The following ARL5C variants were observed in gnomAD, a reference collection of about 807,000 sequenced individuals.
ARL5C encodes the protein ARF like GTPase 5C.
ARL5C carries 21 observed loss-of-function variants against 20.8 expected under a neutral mutation model. That is an observed-to-expected ratio of 1.01 (90% CI 0.72 to 1.46). The LOEUF (loss-of-function observed/expected upper bound fraction) is 1.46, where lower values mean the gene tolerates loss of function less well. Ranked by LOEUF, ARL5C falls within the 40% of genes most tolerant of loss-of-function variation. The pLI is 0.00. For synonymous variants in ARL5C, 71 were observed against 81.6 expected (o/e 0.87, Z 0.70); for missense variants, 199 against 225.1 (o/e 0.88, Z 0.74).
At chr17:39,157,468 C>T (rs2045410938) in intron 5 of ARL5C, among the ~76,000 whole-genome samples, 2 of 152,146 alleles carry the variant, frequency 1.3e-5, no homozygotes, top group South Asian at 2.1e-4. Context: ...GGTCTGGCAC[C>T]GCACAGGGAA....
intron 5 of ARL5C, chr17:39,160,191 C>T (rs1038032562): frequency 4.4e-5 from 7 of 158,598 alleles, no homozygotes; most frequent in Non-Finnish European, 8.3e-5. Flanking sequence ...GGCGTGGTGG[C>T]GGGTACCTGT....
chr17:39,161,443 C>T (rs1204969892), intron 3 of ARL5C, 92 bp from the exon 4 acceptor site: 1 of 1,084,846 alleles, frequency 9.2e-7, no homozygotes, highest in Non-Finnish European at 1.4e-6. Context: ...CTCTGCACTG[C>T]CCAGATGTCA....
At chr17:39,158,646 A>C (rs1364028838) in intron 5 of ARL5C, among the ~76,000 whole-genome samples, 1 of 151,068 alleles carries the variant, frequency 6.6e-6, no homozygotes, top group East Asian at 1.9e-4. Context: ...CTGTGTGCCC[A>C]GCCTGCCATG....
rs759356522 is a variant in ARL5C, at chr17:39,162,698, GTGCCCTC to G, written c.255+6_255+12del. 6.4e-7 allele frequency: 1 copy of G among 1,550,752 alleles called. No individual in the cohort carries two copies. The highest frequency in any genetic ancestry group is 1.4e-5 in the African/African-American group (1 of 73,144). On this transcript the variant is annotated splice_donor_region_variant and intron_variant, in intron 3 of 5. Coordinates refer to ENST00000269586, the MANE Select transcript of ARL5C (RefSeq NM_001143968.1). Reference sequence around the variant, plus strand: ...CTGCCTTGGAGACCCTTCAGCCCTGGTGCCCTCCTCACCTCAGTGTTGGAGTAGTATG... The same window carrying G: ...CTGCCTTGGAGACCCTTCAGCCCTGGCTCACCTCAGTGTTGGAGTAGTATG...
intron 1 of ARL5C, chr17:39,165,384 G>A (rs2045457807): frequency 1.7e-6 from 1 of 591,324 alleles, no homozygotes. Flanking sequence ...GGGGCGCTTC[G>A]GGGCTTGCCA....
chr17:39,161,343 G>C lies in ARL5C; in HGVS notation c.264C>G (p.Ile88Met), dbSNP rs531950163. The C allele has an allele frequency of 6.4e-6, 10 of 1,551,908 alleles. No homozygotes were observed. In the East Asian group the frequency reaches 2.2e-4, roughly 34 times the overall value. Residue 88 changes from isoleucine to methionine, a missense_variant, in exon 4 of 6, where the codon ATC (isoleucine) becomes ATG (methionine). Ile to Met is a conservative substitution (Grantham distance 10, BLOSUM62 1). Transcript: ENST00000269586. Reference sequence around the variant, plus strand: ...CCCGGTCCGTGCTGTCAATCACAAGGATGATAAACTGGGCAGCAGAGGGGA... The same window carrying C: ...CCCGGTCCGTGCTGTCAATCACAAGCATGATAAACTGGGCAGCAGAGGGGA... Reference protein sequence around the residue: ...NTYYSNTEFIILVIDSTDRDR... With the variant: ...NTYYSNTEFIMLVIDSTDRDR...
rs139670622 is a variant in ARL5C at position 39,165,256 on chromosome 17, C to T, written c.47-117G>A. ...GCTCCCCGCAGGCTGGGGACCTCTGCCCACCGTACCGCGTCTGCTTCCCAC... is the reference window on the plus strand; with the variant it reads ...GCTCCCCGCAGGCTGGGGACCTCTGTCCACCGTACCGCGTCTGCTTCCCAC... On this transcript the variant is annotated intron_variant, in intron 1 of 5. Transcript: ENST00000269586. 2.0e-3 allele frequency: 1,963 copies of T among 997,132 alleles called. 6 individuals are homozygous for T. The highest frequency in any genetic ancestry group is 7.9e-3 in the Middle Eastern group (35 of 4,404). 61.8% of individuals were successfully genotyped at this position (997,132 alleles called of 1,614,324 possible).
chr17:39,158,286 G>A (rs1025571239), intron 5 of ARL5C, among the ~76,000 whole-genome samples: 4 of 152,094 alleles, frequency 2.6e-5, no homozygotes, highest in African/African-American at 9.6e-5. Flanking sequence ...GTGGTCCCTT[G>A]GACTGACTTG....
At chr17:39,164,125 T>C (rs1467476619) in intron 2 of ARL5C, 1 of 152,170 alleles carries the variant, frequency 6.6e-6, no homozygotes, top group Non-Finnish European at 1.5e-5. Flanking sequence ...GGTTTCACCA[T>C]GTTGGCCAGG....
At chr17:39,165,502 T>G in intron 1 of ARL5C, 3 of 615,178 alleles carry the variant, frequency 4.9e-6, no homozygotes, top group Non-Finnish European at 8.4e-6. Flanking sequence ...GAAAGGAGGG[T>G]CGCCCAGCTT....
chr17:39,164,949 GTGCCCA>G, intron 2 of ARL5C, 124 bp downstream of exon 2: 1 of 880,046 alleles, frequency 1.1e-6, no homozygotes, highest in Non-Finnish European at 1.8e-6. Flanking sequence ...TCCAAGCAGC[GTGCCCA>G]ATCGCTCCTC....
In ARL5C at chr17:39,165,566, G is replaced by C. The variant is rs1047248788; in HGVS notation, c.46+149C>G. ...GACCCAAGAGGAGCAGGCAGGGACG[G>C]GGGCAGGGGAGGCCGCGGGGCAGTC... On this transcript the variant is annotated intron_variant, in intron 1 of 5. Coordinates refer to ENST00000269586, the MANE Select transcript of ARL5C (RefSeq NM_001143968.1). 8 of 932,826 alleles carry C rather than the reference G, an allele frequency of 8.6e-6. No individual in the cohort carries two copies. In the African/African-American group the frequency reaches 1.3e-4, roughly 15 times the overall value. 57.8% of individuals were successfully genotyped at this position (932,826 alleles called of 1,614,324 possible). A position where few individuals can be genotyped will look rare whatever the true frequency, so the allele number is the denominator to read the frequency against.
intron 2 of ARL5C, 105 bp from the exon 3 acceptor site, chr17:39,162,963 T>A: frequency 7.3e-7 from 1 of 1,369,594 alleles, no homozygotes; most frequent in Non-Finnish European, 9.8e-7. Flanking sequence ...TCAGAACAAG[T>A]CCACCCAGGT....
intron 5 of ARL5C, among the ~76,000 whole-genome samples, chr17:39,159,730 G>C (rs1488489110): frequency 6.6e-6 from 1 of 152,188 alleles, no homozygotes; most frequent in Non-Finnish European, 1.5e-5. Flanking sequence ...ACAGTACCTG[G>C]CACAAAGGAG....
At chr17:39,165,661 C>T (rs1170309345) in intron 1 of ARL5C, 54 bp downstream of exon 1, 4 of 1,550,130 alleles carry the variant, frequency 2.6e-6, no homozygotes, top group Non-Finnish European at 3.5e-6. Context: ...TCAGAGGAGT[C>T]CCAGAAGAGG....
chr17:39,161,496 C>T, intron 3 of ARL5C, 145 bp from the exon 4 acceptor site: 1 of 690,358 alleles, frequency 1.4e-6, no homozygotes, highest in Non-Finnish European at 2.5e-6. Flanking sequence ...ATTTCACCAC[C>T]CTGCTTCCAT....
At chr17:39,164,782 G>C (rs1397632118) in intron 2 of ARL5C, among the ~76,000 whole-genome samples, 1 of 152,182 alleles carries the variant, frequency 6.6e-6, no homozygotes, top group Admixed American at 6.5e-5. Context: ...TGCCGCTAGA[G>C]GGAGCGAAGA....
At chr17:39,158,679 A>G (rs2144040978) in intron 5 of ARL5C, among the ~76,000 whole-genome samples, 1 of 151,856 alleles carries the variant, frequency 6.6e-6, no homozygotes, top group South Asian at 2.1e-4. Flanking sequence ...AGGTAAGACG[A>G]AAGGGAAGTT....
At chr17:39,162,884 G>C (rs576376823) in intron 2 of ARL5C, 26 bp from the exon 3 acceptor site, 5 of 1,548,270 alleles carry the variant, frequency 3.2e-6, no homozygotes, top group Non-Finnish European at 4.4e-6. Context: ...TGGGCACCAA[G>C]AGCTCAGTCC....
Sources: gnomAD v4.1 joint callset for allele counts (sites outside exome capture counted in the v4.1 genomes callset) on GRCh38, gnomAD v4.1.1 for gene constraint, MANE v1.5 for transcripts, NCBI Gene and HGNC (gene_info 2026-07-23, HGNC 2026-07-21) for gene names.